Variants in AKIRIN2 observed in about 807,000 individuals in gnomAD.
AKIRIN2 encodes akirin-2.
A neutral mutation model predicts 29.3 loss-of-function variants in AKIRIN2; 6 were observed. That is an observed-to-expected ratio of 0.20 (90% confidence interval 0.11 to 0.40). The LOEUF is 0.40. Among genes scored for constraint, AKIRIN2 ranks in the 10% least tolerant of loss-of-function variants. The pLI is 1.00. For synonymous variants in AKIRIN2, 128 were observed against 117.5 expected (o/e 1.09, Z -0.58); for missense variants, 210 against 276.1 (o/e 0.76, Z 1.70).
chr6:87,695,998 G>A (rs1421509256), intron 1 of AKIRIN2, among the ~76,000 whole-genome samples: 1 of 151,882 alleles, frequency 6.6e-6, no homozygotes, highest in African/African-American at 2.4e-5. Context: ...GGGCAACATG[G>A]TGAAACCCCA....
chr6:87,676,447 CAAAAAA>C (rs71021319), intron 3 of AKIRIN2, among the ~76,000 whole-genome samples: 9 of 41,916 alleles, frequency 2.1e-4, no homozygotes, highest in East Asian at 8.1e-4. Flanking sequence ...GCCTGGGCAA[CAAAAAA>C]AAAAAAAAAA....
At chr6:87,682,869 T>C (rs920492089) in intron 1 of AKIRIN2, among the ~76,000 whole-genome samples, 1 of 152,102 alleles carries the variant, frequency 6.6e-6, no homozygotes, top group African/African-American at 2.4e-5. Context: ...GGTGGGAGGA[T>C]CACTAGAGGC....
chr6:87,699,893 AGCTCCTT>A (rs1422557377), intron 1 of AKIRIN2, among the ~76,000 whole-genome samples: 4 of 152,240 alleles, frequency 2.6e-5, no homozygotes, highest in Non-Finnish European at 5.9e-5. Flanking sequence ...ATTGCTGGTT[AGCTCCTT>A]AATGACCTTA....
At chr6:87,676,596 A>AACACACGCGCGCGCACAC (rs1485678233) in intron 3 of AKIRIN2, among the ~76,000 whole-genome samples, 4 of 142,146 alleles carry the variant, frequency 2.8e-5, no homozygotes, top group African/African-American at 1.1e-4. Flanking sequence ...CTCTACTAAA[A>AACACACGCGCGCGCACAC]ACACACACAC....
Position 87,695,784 on chromosome 6 carries a change from A to C in AKIRIN2, c.235+5666T>G, listed in dbSNP as rs192779388. On this transcript the variant is annotated intron_variant, in intron 1 of 4. Coordinates refer to ENST00000257787, the MANE Select transcript of AKIRIN2 (RefSeq NM_018064.4). ...GAGAAAAATCTCTTTTCAAATAGGA[A>C]AGATACTCACAACTGGGCACTTCCA... Among the ~76,000 whole-genome samples the C allele has an allele frequency of 1.3e-3, 195 of 152,376 alleles. 4 individuals are homozygous for C. The highest frequency in any genetic ancestry group is 0.011 in the Admixed American group (175 of 15,304).
chr6:87,693,802 T>C (rs1480443809), intron 1 of AKIRIN2, among the ~76,000 whole-genome samples: 3 of 151,718 alleles, frequency 2.0e-5, no homozygotes, highest in African/African-American at 7.3e-5. Flanking sequence ...CTAATTACAA[T>C]GCCAGGCTCT....
chr6:87,685,694 A>C (rs901803173), intron 1 of AKIRIN2, among the ~76,000 whole-genome samples: 2 of 152,208 alleles, frequency 1.3e-5, no homozygotes, highest in Non-Finnish European at 2.9e-5. Flanking sequence ...CTTCAAGAAA[A>C]GCTAAAGCAC....
chr6:87,677,072 C>T (rs1453295032), intron 3 of AKIRIN2, among the ~76,000 whole-genome samples: 6 of 148,516 alleles, frequency 4.0e-5, no homozygotes, highest in South Asian at 2.1e-4. Flanking sequence ...AGTGAGACTC[C>T]GTCTCAGGAA....
intron 3 of AKIRIN2, among the ~76,000 whole-genome samples, chr6:87,676,848 G>A (rs1189770865): frequency 6.6e-6 from 1 of 150,578 alleles, no homozygotes; most frequent in African/African-American, 2.4e-5. Context: ...AGGCCAAGGC[G>A]GGCAGATCAC....
intron 1 of AKIRIN2, among the ~76,000 whole-genome samples, chr6:87,696,891 G>C (rs555592483): frequency 6.7e-6 from 1 of 148,170 alleles, no homozygotes; most frequent in African/African-American, 2.5e-5. Flanking sequence ...CTGTAATCCC[G>C]GCTACTCAGG....
intron 1 of AKIRIN2, among the ~76,000 whole-genome samples, chr6:87,687,832 A>C (rs922412404): frequency 2.0e-5 from 3 of 152,208 alleles, no homozygotes; most frequent in African/African-American, 7.2e-5. Flanking sequence ...ATAACTTACA[A>C]GCTATCAAAA....
At chr6:87,696,497 C>T (rs111362381) in intron 1 of AKIRIN2, among the ~76,000 whole-genome samples, 2,398 of 151,516 alleles carry the variant, frequency 0.016, 69 homozygotes, top group African/African-American at 0.054. Flanking sequence ...GCCAGAAGAT[C>T]GAGACCATCC....
At chr6:87,694,246 A>G (rs1053516021) in intron 1 of AKIRIN2, among the ~76,000 whole-genome samples, 2 of 152,232 alleles carry the variant, frequency 1.3e-5, no homozygotes, top group Admixed American at 1.3e-4. Flanking sequence ...GAAACTTAGT[A>G]AACAAGCCTT....
At chr6:87,693,947 A>G (rs1262570436) in intron 1 of AKIRIN2, among the ~76,000 whole-genome samples, 1 of 152,182 alleles carries the variant, frequency 6.6e-6, no homozygotes, top group East Asian at 1.9e-4. Flanking sequence ...CTAGATAATC[A>G]TATTTTAGTA....
At chr6:87,700,227 AG>A (rs1229155701) in intron 1 of AKIRIN2, among the ~76,000 whole-genome samples, 5 of 150,766 alleles carry the variant, frequency 3.3e-5, no homozygotes, top group African/African-American at 1.2e-4. Flanking sequence ...TGCATATTCG[AG>A]GGTCACTCCA....
intron 1 of AKIRIN2, among the ~76,000 whole-genome samples, chr6:87,689,464 T>A (rs773491735): frequency 4.0e-5 from 6 of 151,848 alleles, no homozygotes; most frequent in Admixed American, 2.0e-4. Context: ...GGCAACAGAG[T>A]GAGACTCGGT....
chr6:87,696,051 A>C (rs1771354978), intron 1 of AKIRIN2, among the ~76,000 whole-genome samples: 1 of 152,008 alleles, frequency 6.6e-6, no homozygotes, highest in Admixed American at 6.6e-5. Context: ...ATGGTGGCAC[A>C]TGCCTGTATC....
Position 87,674,922 on chromosome 6 carries a change from A to C in AKIRIN2, c.*675T>G, listed in dbSNP as rs1228351910. The C allele has an allele frequency of 6.6e-6, 1 of 152,128 alleles. No homozygotes were observed. Among genetic ancestry groups the C allele is most frequent in the Non-Finnish European group, 1.5e-5 (1 of 68,042 alleles). 9.4% of individuals were successfully genotyped at this position (152,128 alleles called of 1,614,324 possible). A position where few individuals can be genotyped will look rare whatever the true frequency, so the allele number is the denominator to read the frequency against. On this transcript the variant is annotated 3_prime_UTR_variant, in exon 5 of 5. Transcript: ENST00000257787. ...CCCATCTGTACATTAAGAAACAAGC[A>C]AAATAGAAGTAAATGTTTTATTCTT...
intron 1 of AKIRIN2, among the ~76,000 whole-genome samples, chr6:87,698,182 C>T (rs1771401105): frequency 6.6e-6 from 1 of 152,102 alleles, no homozygotes; most frequent in Non-Finnish European, 1.5e-5. Flanking sequence ...TGCTCCCCCT[C>T]CCCTTACTTC....
Sources: gnomAD v4.1 joint callset for allele counts (sites outside exome capture counted in the v4.1 genomes callset) on GRCh38, gnomAD v4.1.1 for gene constraint, MANE v1.5 for transcripts, NCBI Gene and HGNC (gene_info 2026-07-23, HGNC 2026-07-21) for gene names.